ESRRG: variants seen among roughly 807,000 people sequenced by gnomAD.
ESRRG encodes the protein estrogen related receptor gamma.
Under a neutral mutation model 44.0 loss-of-function variants are expected in ESRRG, and 13 were observed. The observed-to-expected ratio is 0.30, with a 90% CI of 0.19 to 0.47. ESRRG has a LOEUF of 0.47. Ranked by LOEUF, ESRRG falls within the 20% of genes least tolerant of loss-of-function variation. The pLI, the probability that ESRRG is intolerant of heterozygous loss-of-function variation, is 1.00. For missense variants in ESRRG, 395 were observed against 580.6 expected (o/e 0.68, Z 3.29); for synonymous variants, 215 against 214.6 (o/e 1.00, Z -0.02).
chr1:217,128,627 A>G (rs2092921495), intron 1 of ESRRG, among the ~76,000 whole-genome samples: 1 of 152,232 alleles, frequency 6.6e-6, no homozygotes, highest in African/African-American at 2.4e-5. Flanking sequence ...CTGAGATAAA[A>G]GATCTCATTC....
chr1:216,888,912 G>A lies in ESRRG; in HGVS notation c.-14+50670C>T, dbSNP rs553588526. On this transcript the variant is annotated intron_variant, in intron 2 of 7. Transcript: ENST00000359162. ...AGAGGGAGATACAAGTACTAATGCAGTGAGGTAATGCGGCAAAGAATAGAA... is the reference window on the plus strand; with the variant it reads ...AGAGGGAGATACAAGTACTAATGCAATGAGGTAATGCGGCAAAGAATAGAA... 6.6e-5 allele frequency among the ~76,000 whole-genome samples: 10 copies of A among 152,320 alleles called. No homozygotes were observed. The East Asian group carries it at 1.9e-3, about 29-fold the overall frequency.
At chr1:216,995,610 G>A (rs2076275666) in intron 1 of ESRRG, among the ~76,000 whole-genome samples, 1 of 152,100 alleles carries the variant, frequency 6.6e-6, no homozygotes, top group Non-Finnish European at 1.5e-5. Context: ...CTTCCAGAGG[G>A]TATCCTGATC....
intron 1 of ESRRG, among the ~76,000 whole-genome samples, chr1:217,013,769 TC>T (rs2078964899): frequency 6.9e-6 from 1 of 145,614 alleles, no homozygotes; most frequent in Non-Finnish European, 1.5e-5. Flanking sequence ...CTAAATGTCA[TC>T]CCCCCTGAAA....
chr1:216,820,235 T>C (rs2095257227), intron 2 of ESRRG, among the ~76,000 whole-genome samples: 1 of 152,234 alleles, frequency 6.6e-6, no homozygotes, highest in Non-Finnish European at 1.5e-5. Context: ...AGAGTCGAGA[T>C]AAACTGAGAA....
intron 3 of ESRRG, among the ~76,000 whole-genome samples, chr1:216,643,435 G>A (rs1418090420): frequency 6.6e-6 from 1 of 152,152 alleles, no homozygotes; most frequent in Non-Finnish European, 1.5e-5. Context: ...GGTCAGCACT[G>A]TTAATCTATG....
intron 2 of ESRRG, among the ~76,000 whole-genome samples, chr1:216,879,300 A>T (rs1442058260): frequency 6.6e-6 from 1 of 152,074 alleles, no homozygotes; most frequent in Non-Finnish European, 1.5e-5. Flanking sequence ...CAAACAAACA[A>T]AACAGTGCTG....
chr1:217,112,772 CCAGTCTT>C (rs1218133139), intron 1 of ESRRG, among the ~76,000 whole-genome samples: 1 of 152,144 alleles, frequency 6.6e-6, no homozygotes, highest in Non-Finnish European at 1.5e-5. Flanking sequence ...AAGATCAAAT[CCAGTCTT>C]TCTTAAGACC....
chr1:216,938,703 C>T (rs879259103), intron 2 of ESRRG, among the ~76,000 whole-genome samples: 11 of 152,274 alleles, frequency 7.2e-5, no homozygotes, highest in South Asian at 2.1e-4. Flanking sequence ...CACAGGGATT[C>T]CTGTGCACCT....
chr1:217,015,731 A>AATTTTTT lies in ESRRG; in HGVS notation c.-106+73775_-106+73776insAAAAAAT, dbSNP rs759911532. 1.2e-3 allele frequency among the ~76,000 whole-genome samples: 165 copies of AATTTTTT among 142,128 alleles called. 3 individuals carry two copies. Among genetic ancestry groups the AATTTTTT allele is most frequent in the Non-Finnish European group, 1.8e-3 (115 of 65,232 alleles). The allele number at this position is 142,128 out of a possible 152,430, so 93.2% of individuals were successfully genotyped here. ...GTGGGGGGTGAGAGGGGGCAGCTAG[A>AATTTTTT]TTTTTTTTTTTTTTTGAGACAGAGT... On this transcript the variant is annotated intron_variant, in intron 1 of 7. Coordinates refer to the ESRRG transcript ENST00000359162.
chr1:216,936,051 C>T (rs927635870), intron 2 of ESRRG, among the ~76,000 whole-genome samples: 1 of 151,920 alleles, frequency 6.6e-6, no homozygotes, highest in Non-Finnish European at 1.5e-5. Flanking sequence ...CTTGTTTTTT[C>T]TGGTGACCAG....
At chr1:216,753,012 G>A (rs1044979957) in intron 2 of ESRRG, among the ~76,000 whole-genome samples, 2 of 152,000 alleles carry the variant, frequency 1.3e-5, no homozygotes, top group Non-Finnish European at 2.9e-5. Context: ...AAAGGTAGAT[G>A]CAGAACCACC....
intron 1 of ESRRG, among the ~76,000 whole-genome samples, chr1:217,115,468 C>T (rs895941343): frequency 2.0e-5 from 3 of 152,112 alleles, no homozygotes; most frequent in African/African-American, 7.2e-5. Context: ...CCCCTACCCA[C>T]CCAACAACCT....
chr1:216,855,513 C>T (rs1006960325), intron 2 of ESRRG, among the ~76,000 whole-genome samples: 1 of 152,112 alleles, frequency 6.6e-6, no homozygotes. Flanking sequence ...CAAAAGGTAA[C>T]GTAGAACCTG....
rs2062653600 is a variant in ESRRG at position 216,623,482 on chromosome 1, T to C, written c.589+27491A>G. ...ATGTGGAGACCAGAACATACCAACA[T>C]AAAATATTCCCTGCCCCTGTTCTTC... On this transcript the variant is annotated intron_variant, in intron 3 of 6. Transcript: ENST00000408911. Among the ~76,000 whole-genome samples the C allele has an allele frequency of 2.6e-5, 4 of 152,208 alleles. No homozygotes were observed. In the South Asian group the frequency reaches 8.3e-4, roughly 32 times the overall value.
At chr1:216,939,370 A>AAAAAAAAAAAAAAC (rs2064814392) in intron 2 of ESRRG, among the ~76,000 whole-genome samples, 1 of 133,964 alleles carries the variant, frequency 7.5e-6, no homozygotes, top group East Asian at 2.1e-4. Flanking sequence ...AAAAAAAAAA[A>AAAAAAAAAAAAAAC]CACTTTAAAG....
intron 2 of ESRRG, among the ~76,000 whole-genome samples, chr1:216,938,986 T>C (rs1445099274): frequency 6.6e-6 from 1 of 152,148 alleles, no homozygotes; most frequent in Non-Finnish European, 1.5e-5. Flanking sequence ...ATGTTAGTAT[T>C]ACATAATTTC....
At chr1:216,583,761 C>T (rs1166652070) in intron 3 of ESRRG, among the ~76,000 whole-genome samples, 1 of 152,174 alleles carries the variant, frequency 6.6e-6, no homozygotes, top group Non-Finnish European at 1.5e-5. Context: ...ACTTACAGTT[C>T]CACGTGGCTG....
At chr1:216,771,816 G>GGT (rs2093394329) in intron 2 of ESRRG, among the ~76,000 whole-genome samples, 2 of 128,138 alleles carry the variant, frequency 1.6e-5, no homozygotes, top group African/African-American at 5.8e-5. Flanking sequence ...AGTTTGTGGT[G>GGT]TTTTTTTTTT....
chr1:216,863,466 C>A (rs572586025), intron 2 of ESRRG: 7 of 152,194 alleles, frequency 4.6e-5, no homozygotes, highest in Non-Finnish European at 8.8e-5. Context: ...AGATCTCATA[C>A]TACCTAGTTG....
Sources: allele counts gnomAD v4.1 joint callset (sites outside exome capture counted in the v4.1 genomes callset), GRCh38; gene constraint gnomAD v4.1.1; transcripts MANE v1.5; gene names NCBI Gene and HGNC (gene_info 2026-07-23, HGNC 2026-07-21).